The following ECHDC2 variants were observed in gnomAD, a reference collection of about 807,000 sequenced individuals.
ECHDC2 encodes the protein enoyl-CoA hydratase domain containing 2, also known as enoyl-CoA hydratase domain-containing protein 2, mitochondrial.
A neutral mutation model predicts 40.6 loss-of-function variants in ECHDC2; 34 were observed. That is an observed-to-expected ratio of 0.84 (90% CI 0.64 to 1.11). The LOEUF is 1.11. Ranked by LOEUF, ECHDC2 falls within the 50% of genes most tolerant of loss-of-function variation. The probability of loss-of-function intolerance (pLI) is 0.00; values close to 1 mark genes in which losing one functional copy is unlikely to be tolerated. For synonymous variants in ECHDC2, 162 were observed against 166.6 expected (o/e 0.97, Z 0.21); for missense variants, 392 against 400.7 (o/e 0.98, Z 0.19).
rs774732424 is a variant in ECHDC2, at chr1:52,911,800, G to T, written c.122-10C>A. The T allele has an allele frequency of 2.4e-5, 39 of 1,613,752 alleles. No homozygotes were observed. The highest frequency in any genetic ancestry group is 3.2e-5 in the Non-Finnish European group (38 of 1,179,912). Reference sequence around the variant, plus strand: ...AGAATCTCAGTGATCCCTGTAAGGAGTCAGGGCAGCCACGGGAAAGCAGCT... The same window carrying T: ...AGAATCTCAGTGATCCCTGTAAGGATTCAGGGCAGCCACGGGAAAGCAGCT... On this transcript the variant is annotated splice_polypyrimidine_tract_variant and intron_variant, in intron 1 of 9. Coordinates refer to ENST00000371522, the MANE Select transcript of ECHDC2 (RefSeq NM_001198961.2).
At chr1:52,896,972 C>A in intron 9 of ECHDC2, 1 of 295,050 alleles carries the variant, frequency 3.4e-6, no homozygotes, top group African/African-American at 2.1e-5. Flanking sequence ...TCCCAGGACC[C>A]CTTAGGAGTA....
chr1:52,902,370 T>C (rs1647044103), intron 7 of ECHDC2, among the ~76,000 whole-genome samples: 1 of 152,232 alleles, frequency 6.6e-6, no homozygotes, highest in Admixed American at 6.5e-5. Context: ...TTGGCCAGGC[T>C]GGTCTCAAAC....
In ECHDC2 at chr1:52,911,879, A is replaced by C. The variant is rs57987041; in HGVS notation, c.122-89T>G. On this transcript the variant is annotated intron_variant, in intron 1 of 9. Transcript: ENST00000371522. ...GGGGACTGGAGGCAGGAGGCCTGGG[A>C]TCTGGGGAGCCTCTGCCCTAGATGA... 16,274 of 1,558,830 alleles carry C rather than the reference A, an allele frequency of 0.01. 1,452 individuals are homozygous for C. The African/African-American group carries it at 0.19, about 18-fold the overall frequency.
At chr1:52,902,570 G>A (rs1425931789) in intron 7 of ECHDC2, among the ~76,000 whole-genome samples, 1 of 151,996 alleles carries the variant, frequency 6.6e-6, no homozygotes, top group African/African-American at 2.4e-5. Context: ...GATTACAGGC[G>A]TGAGCCACCA....
At chr1:52,912,716 T>TA (rs997913284) in intron 1 of ECHDC2, 15 of 152,088 alleles carry the variant, frequency 9.9e-5, no homozygotes, top group African/African-American at 3.6e-4. Context: ...TATTTCTTTA[T>TA]AATTTTTTTT....
rs77488475 is a variant in ECHDC2, at chr1:52,917,807, T to G, written c.121+3746A>C. Among the ~76,000 whole-genome samples the G allele has an allele frequency of 5.1e-3, 776 of 152,264 alleles. 6 individuals carry two copies. The highest frequency in any genetic ancestry group is 0.018 in the African/African-American group (749 of 41,552). On this transcript the variant is annotated intron_variant, in intron 1 of 9. Coordinates refer to ENST00000371522, the MANE Select transcript of ECHDC2 (RefSeq NM_001198961.2). ...CAATGCAACACTCAAATGCTGGTGGTGAGGCTGGTGTAAACTAGCTTGCTT... is the reference window on the plus strand; with the variant it reads ...CAATGCAACACTCAAATGCTGGTGGGGAGGCTGGTGTAAACTAGCTTGCTT...
At chr1:52,900,938 T>C (rs1414294887) in intron 7 of ECHDC2, 1 of 152,124 alleles carries the variant, frequency 6.6e-6, no homozygotes, top group Non-Finnish European at 1.5e-5. Context: ...GGCAGGAGGA[T>C]TGCTTGCCCA....
chr1:52,906,085 A>C (rs1165502609), intron 5 of ECHDC2: 1 of 349,160 alleles, frequency 2.9e-6, no homozygotes, highest in African/African-American at 2.1e-5. Context: ...GCTCAGAACA[A>C]GTAATGCAAA....
chr1:52,899,064 GA>G (rs766613937), intron 8 of ECHDC2, 109 bp downstream of exon 8: 52 of 1,083,026 alleles, frequency 4.8e-5, no homozygotes, highest in Non-Finnish European at 6.5e-5. Context: ...TCTGTTAGAA[GA>G]GTCCACTTCC....
At chr1:52,919,319 T>G (rs909521303) in intron 1 of ECHDC2, among the ~76,000 whole-genome samples, 2 of 152,208 alleles carry the variant, frequency 1.3e-5, no homozygotes, top group African/African-American at 4.8e-5. Flanking sequence ...TTAAAAAATC[T>G]TTTAGACTGT....
chr1:52,899,244 C>T lies in ECHDC2; in HGVS notation c.703-20G>A. 5 of 1,613,716 alleles carry T rather than the reference C, an allele frequency of 3.1e-6. No individual in the cohort carries two copies. The highest frequency in any genetic ancestry group is 4.2e-6 in the Non-Finnish European group (5 of 1,179,798). The stretch of plus-strand genomic sequence containing the variant: ...GGGGGCCTAGGGAAAAGCAAAAAGT[C>T]TTGGTTGAGGAGGGCATCAAGGCTG... On this transcript the variant is annotated intron_variant, in intron 7 of 9. Transcript: ENST00000371522.
chr1:52,906,512 C>T lies in ECHDC2; in HGVS notation c.457+7G>A, dbSNP rs371028581. On this transcript the variant is annotated splice_region_variant and intron_variant, in intron 5 of 9. Transcript: ENST00000371522. ...CCCACCCCCTGCCCCCAGTCCTGGC[C>T]CAGTACCTGCCACTCGGAGGTCACA... The T allele has an allele frequency of 5.3e-5, 85 of 1,607,596 alleles. No homozygotes were observed. The African/African-American group carries it at 9.0e-4, about 17-fold the overall frequency.
In ECHDC2 at chr1:52,921,557, G is replaced by C; in HGVS notation, c.117C>G (p.Asp39Glu). 1.9e-6 allele frequency: 3 copies of C among 1,609,580 alleles called. No homozygotes were observed. The highest frequency in any genetic ancestry group is 2.5e-6 in the Non-Finnish European group (3 of 1,178,590). Residue 39 changes from aspartate (D) to glutamate (E), a missense_variant, in exon 1 of 10, where the codon GAC (aspartate) becomes GAG (glutamate). Coordinates refer to ENST00000371522, the MANE Select transcript of ECHDC2 (RefSeq NM_001198961.2). The stretch of plus-strand genomic sequence containing the variant: ...GCCCCGGAACTGCACATTTACCTTG[G>C]TCCGGACCCGCCAGGGCGCGCACTT... The part of the protein sequence containing the change: ...EIQVRALAGP[D>E]QGITEILMNR...
intron 7 of ECHDC2, 147 bp from the exon 8 acceptor site, chr1:52,899,371 C>A: frequency 1.5e-6 from 1 of 687,748 alleles, no homozygotes; most frequent in Non-Finnish European, 2.5e-6. Flanking sequence ...AGCGTTAGTC[C>A]TATAACCTGT....
rs749425065 is a variant in ECHDC2, at chr1:52,904,846, A to G, written c.515-13T>C. ...CTCTGAGTCCCTCCTACCAGGATGG[A>G]GGGAGCAGGGTGGGAATCAGCATGG... On this transcript the variant is annotated splice_polypyrimidine_tract_variant and intron_variant, in intron 6 of 9. Transcript: ENST00000371522. 1 of 1,608,842 alleles carries G rather than the reference A, an allele frequency of 6.2e-7. No homozygotes were observed. Among genetic ancestry groups the G allele is most frequent in the Non-Finnish European group, 8.5e-7 (1 of 1,177,102 alleles).
In ECHDC2 at chr1:52,918,628, A is replaced by AT. The variant is rs771455372; in HGVS notation, c.121+2924dup. Among the ~76,000 whole-genome samples, 7 of 152,312 alleles carry AT rather than the reference A, an allele frequency of 4.6e-5. No homozygotes were observed. In the East Asian group the frequency reaches 7.7e-4, roughly 17 times the overall value. The stretch of plus-strand genomic sequence containing the variant: ...AAAATAAGGATCTAAAGAAGAAAAC[A>AT]TTTTTTGTACAGCCGTACAATGTGT... On this transcript the variant is annotated intron_variant, in intron 1 of 9. Coordinates refer to ENST00000371522, the MANE Select transcript of ECHDC2 (RefSeq NM_001198961.2).
intron 7 of ECHDC2, among the ~76,000 whole-genome samples, chr1:52,903,417 G>A (rs1464766426): frequency 6.6e-6 from 1 of 151,672 alleles, no homozygotes; most frequent in East Asian, 1.9e-4. Context: ...TTTTAATGAG[G>A]GGTTTTTTGG....
intron 7 of ECHDC2, among the ~76,000 whole-genome samples, chr1:52,904,219 A>AT (rs1647208045): frequency 6.6e-6 from 1 of 151,892 alleles, no homozygotes; most frequent in Non-Finnish European, 1.5e-5. Flanking sequence ...TCTTTGGGGG[A>AT]TTTTAAGGCT....
chr1:52,899,065 A>G (rs375263662), intron 8 of ECHDC2, 109 bp downstream of exon 8: 3 of 1,089,670 alleles, frequency 2.8e-6, no homozygotes. Flanking sequence ...CTGTTAGAAG[A>G]GTCCACTTCC....
Sources: allele counts gnomAD v4.1 joint callset (sites outside exome capture counted in the v4.1 genomes callset), GRCh38; gene constraint gnomAD v4.1.1; transcripts MANE v1.5; gene names NCBI Gene and HGNC (gene_info 2026-07-23, HGNC 2026-07-21).